Variants in SMG6 observed in about 807,000 individuals in gnomAD.
SMG6 encodes telomerase-binding protein EST1A.
In SMG6, 66 loss-of-function variants were observed where a neutral mutation model predicts 142.2. The observed-to-expected ratio is 0.46, with a 90% CI of 0.38 to 0.57. SMG6 has a LOEUF of 0.57. Among genes scored for constraint, SMG6 ranks in the 20% least tolerant of loss-of-function variants. The pLI is 0.00. For missense variants in SMG6, 1,793 were observed against 1,832.0 expected (o/e 0.98, Z 0.39); for synonymous variants, 779 against 702.4 (o/e 1.11, Z -1.72).
chr17:2,281,877 C>T (rs1440064806), intron 8 of SMG6, among the ~76,000 whole-genome samples: 1 of 152,160 alleles, frequency 6.6e-6, no homozygotes, highest in Admixed American at 6.5e-5. Context: ...ATGCTATTTC[C>T]TTTGCCTGGG....
At chr17:2,292,687 C>T in intron 5 of SMG6, 57 bp from the exon 6 acceptor site, 1 of 1,584,704 alleles carries the variant, frequency 6.3e-7, no homozygotes, top group Non-Finnish European at 8.7e-7. Context: ...TTTCCCAATT[C>T]ATCCTGATAG....
chr17:2,157,922 C>T (rs1307427104), intron 13 of SMG6, among the ~76,000 whole-genome samples: 1 of 152,194 alleles, frequency 6.6e-6, no homozygotes, highest in East Asian at 1.9e-4. Context: ...AGCAAGCTCT[C>T]CTCCCACCAC....
At chr17:2,146,001 A>C (rs969938148) in intron 13 of SMG6, among the ~76,000 whole-genome samples, 1 of 152,228 alleles carries the variant, frequency 6.6e-6, no homozygotes, top group African/African-American at 2.4e-5. Flanking sequence ...AAATAAGTAA[A>C]ATCTTAAGGG....
At chr17:2,220,396 C>A (rs866856887) in intron 10 of SMG6, among the ~76,000 whole-genome samples, 1 of 152,044 alleles carries the variant, frequency 6.6e-6, no homozygotes, top group South Asian at 2.1e-4. Context: ...TTTGGGAGGC[C>A]GAGGAAGGAG....
At chr17:2,142,251 A>G (rs1468705498) in intron 13 of SMG6, among the ~76,000 whole-genome samples, 2 of 152,266 alleles carry the variant, frequency 1.3e-5, no homozygotes, top group African/African-American at 2.4e-5. Context: ...GTAAAAATTA[A>G]AACATTCAAG....
chr17:2,133,290 T>G (rs552258365), intron 13 of SMG6, among the ~76,000 whole-genome samples: 7 of 152,230 alleles, frequency 4.6e-5, no homozygotes, highest in Non-Finnish European at 8.8e-5. Flanking sequence ...GAATAATATC[T>G]AAGACAAAGC....
At chr17:2,118,678 C>T (rs1283138751) in intron 13 of SMG6, among the ~76,000 whole-genome samples, 2 of 145,840 alleles carry the variant, frequency 1.4e-5, no homozygotes, top group Non-Finnish European at 3.0e-5. Context: ...GTGGTGCAAA[C>T]ATGGCACACT....
intron 13 of SMG6, among the ~76,000 whole-genome samples, chr17:2,153,981 A>G (rs1276510422): frequency 7.7e-6 from 1 of 129,682 alleles, no homozygotes; most frequent in Non-Finnish European, 1.6e-5. Context: ...GGATGCATGT[A>G]GAGTGTGACG....
intron 8 of SMG6, chr17:2,280,685 T>C (rs1201053638): frequency 1.7e-5 from 11 of 651,408 alleles, no homozygotes; most frequent in Non-Finnish European, 1.9e-5. Flanking sequence ...TAAAAATATA[T>C]AGTTTCATCA....
chr17:2,245,519 G>A (rs1171390400), intron 8 of SMG6, among the ~76,000 whole-genome samples: 1 of 152,122 alleles, frequency 6.6e-6, no homozygotes, highest in African/African-American at 2.4e-5. Context: ...CAAGTAGCTG[G>A]GATTACAGGC....
chr17:2,165,194 G>C (rs2071298675), intron 13 of SMG6, among the ~76,000 whole-genome samples: 1 of 151,968 alleles, frequency 6.6e-6, no homozygotes, highest in African/African-American at 2.4e-5. Context: ...ATACTAAATG[G>C]AAAGTGGCCC....
At chr17:2,137,130 G>A (rs1048515166) in intron 13 of SMG6, among the ~76,000 whole-genome samples, 1 of 152,178 alleles carries the variant, frequency 6.6e-6, no homozygotes, top group African/African-American at 2.4e-5. Context: ...TCCCGCCGCT[G>A]CACTCCAGCC....
intron 13 of SMG6, chr17:2,089,713 C>A (rs1329460966): frequency 6.6e-6 from 1 of 151,886 alleles, no homozygotes; most frequent in African/African-American, 2.4e-5. Flanking sequence ...AGAGGCGATA[C>A]CGGAGGCTGT....
chr17:2,244,582 G>T (rs2073888048), intron 9 of SMG6, 76 bp downstream of exon 9: 2 of 1,164,304 alleles, frequency 1.7e-6, no homozygotes, highest in Non-Finnish European at 2.6e-6. Context: ...TACAAACACA[G>T]TCCAGTTGCT....
chr17:2,192,076 T>C (rs547362070), intron 10 of SMG6, among the ~76,000 whole-genome samples: 1 of 152,354 alleles, frequency 6.6e-6, no homozygotes, highest in South Asian at 2.1e-4. Flanking sequence ...AAAGCAAAGC[T>C]GTGCCTGACA....
chr17:2,195,430 C>T (rs2072294211), intron 10 of SMG6, among the ~76,000 whole-genome samples: 1 of 152,192 alleles, frequency 6.6e-6, no homozygotes, highest in Non-Finnish European at 1.5e-5. Context: ...CTATTTGGAA[C>T]TTAACAAGCA....
intron 11 of SMG6, among the ~76,000 whole-genome samples, chr17:2,187,314 T>C (rs567211672): frequency 6.6e-6 from 1 of 152,290 alleles, no homozygotes; most frequent in South Asian, 2.1e-4. Context: ...GACACGATGA[T>C]ATCTAAATGC....
chr17:2,099,218 C>T (rs1366172982), intron 13 of SMG6, among the ~76,000 whole-genome samples: 1 of 151,974 alleles, frequency 6.6e-6, no homozygotes, highest in African/African-American at 2.4e-5. Flanking sequence ...CAATCATGCT[C>T]CCCGAAGCTG....
intron 6 of SMG6, among the ~76,000 whole-genome samples, chr17:2,291,272 C>T (rs559087328): frequency 2.0e-5 from 3 of 151,278 alleles, no homozygotes; most frequent in Non-Finnish European, 4.4e-5. Context: ...CGGAGCTTGC[C>T]GTGAGCCGAG....
Sources: gnomAD v4.1 joint callset for allele counts (sites outside exome capture counted in the v4.1 genomes callset) on GRCh38, gnomAD v4.1.1 for gene constraint, MANE v1.5 for transcripts, NCBI Gene and HGNC (gene_info 2026-07-23, HGNC 2026-07-21) for gene names.